Variants in ASIC2 observed in about 807,000 individuals in gnomAD.
The protein encoded by ASIC2 is acid sensing ion channel subunit 2, also known as acid-sensing ion channel 2.
Under a neutral mutation model 57.3 loss-of-function variants are expected in ASIC2, and 25 were observed. That is an observed-to-expected ratio of 0.44 (90% CI 0.32 to 0.61). ASIC2 has a LOEUF of 0.61. Among genes scored for constraint, ASIC2 ranks in the 20% least tolerant of loss-of-function variants. The pLI, the probability that ASIC2 is intolerant of heterozygous loss-of-function variation, is 0.06. For synonymous variants in ASIC2, 319 were observed against 307.5 expected (o/e 1.04, Z -0.39); for missense variants, 641 against 738.1 (o/e 0.87, Z 1.52).
Position 34,039,411 on chromosome 17 carries a change from T to C in ASIC2, c.555+116567A>G, listed in dbSNP as rs1264024328. 40 of 1,613,820 alleles carry C rather than the reference T, an allele frequency of 2.5e-5. 4 individuals are homozygous for C. In the Middle Eastern group the frequency reaches 4.5e-3, roughly 182 times the overall value. ...GCTCTGTGTCAAGCCGAGGTTTTGC[T>C]AGCATCACTGACATGAGGGTTGGCA... On this transcript the variant is annotated intron_variant, in intron 1 of 9. Transcript: ENST00000359872.
intron 1 of ASIC2, among the ~76,000 whole-genome samples, chr17:33,161,893 A>G (rs1383881177): frequency 7.3e-6 from 1 of 136,110 alleles, no homozygotes; most frequent in Non-Finnish European, 1.6e-5. Flanking sequence ...TTTTGCTTCA[A>G]AACTGTGCTT....
At chr17:33,528,042 TCAAA>T (rs1914937103) in intron 1 of ASIC2, among the ~76,000 whole-genome samples, 1 of 152,132 alleles carries the variant, frequency 6.6e-6, no homozygotes, top group Admixed American at 6.6e-5. Flanking sequence ...GAAGTCATGC[TCAAA>T]CAATTAAGCA....
intron 1 of ASIC2, among the ~76,000 whole-genome samples, chr17:33,653,755 A>C (rs1597822824): frequency 6.6e-6 from 1 of 152,234 alleles, no homozygotes; most frequent in South Asian, 2.1e-4. Context: ...ATAGAAGAAG[A>C]AACATGGAAT....
At chr17:33,025,063 T>C (rs1257952597) in intron 5 of ASIC2, among the ~76,000 whole-genome samples, 1 of 152,250 alleles carries the variant, frequency 6.6e-6, no homozygotes, top group South Asian at 2.1e-4. Context: ...ACATCAGAAG[T>C]CACTCCCTCT....
At chr17:33,279,877 G>A (rs115173009) in intron 1 of ASIC2, among the ~76,000 whole-genome samples, 1,616 of 152,278 alleles carry the variant, frequency 0.011, 37 homozygotes, top group African/African-American at 0.037. Context: ...TAGCCCCAGA[G>A]TGTTGTCCTG....
At chr17:33,778,954 C>T (rs891149854) in intron 1 of ASIC2, among the ~76,000 whole-genome samples, 36 of 152,164 alleles carry the variant, frequency 2.4e-4, no homozygotes, top group African/African-American at 8.2e-4. Flanking sequence ...TTTGCTCATC[C>T]CCCTCCTGGC....
intron 1 of ASIC2, among the ~76,000 whole-genome samples, chr17:33,899,613 C>G (rs1467367522): frequency 6.6e-6 from 1 of 152,144 alleles, no homozygotes; most frequent in Non-Finnish European, 1.5e-5. Context: ...TGTGGACTAC[C>G]TCTGATAAAG....
intron 1 of ASIC2, among the ~76,000 whole-genome samples, chr17:34,135,670 C>T (rs1323535557): frequency 6.6e-6 from 1 of 152,046 alleles, no homozygotes; most frequent in Non-Finnish European, 1.5e-5. Context: ...TTTCCCACCA[C>T]CTGAAATATT....
chr17:33,533,179 C>G (rs565780936), intron 1 of ASIC2, among the ~76,000 whole-genome samples: 1 of 152,146 alleles, frequency 6.6e-6, no homozygotes, highest in Non-Finnish European at 1.5e-5. Flanking sequence ...AACCCCATCT[C>G]TACTAAAAAT....
chr17:33,292,324 G>A lies in ASIC2; in HGVS notation c.-209C>T. On this transcript the variant is annotated 5_prime_UTR_variant, in exon 1 of 10. Transcript: ENST00000225823. ...CGCGGGCGCCCGCCCGGGGCTGAGC[G>A]CCGCCTCAGCCCGCAGCCCCTGGCA... The A allele has an allele frequency of 1.0e-6, 1 of 986,296 alleles. No homozygotes were observed. Among genetic ancestry groups the A allele is most frequent in the Middle Eastern group, 5.2e-4 (1 of 1,918 alleles). The allele number at this position is 986,296 out of a possible 1,614,324, so 61.1% of individuals were successfully genotyped here.
intron 1 of ASIC2, among the ~76,000 whole-genome samples, chr17:34,125,459 G>A (rs1263199211): frequency 6.6e-6 from 1 of 152,174 alleles, no homozygotes; most frequent in East Asian, 1.9e-4. Context: ...TCTAGCCAGT[G>A]TAATCAGAAA....
intron 1 of ASIC2, among the ~76,000 whole-genome samples, chr17:33,272,906 C>T (rs1316127277): frequency 6.6e-6 from 1 of 152,188 alleles, no homozygotes; most frequent in African/African-American, 2.4e-5. Context: ...GATCATTCAG[C>T]TCCACGATAC....
Position 33,291,513 on chromosome 17 carries a change from C to T in ASIC2, c.603G>A (p.Glu201=). 2 of 1,612,728 alleles carry T rather than the reference C, an allele frequency of 1.2e-6. No homozygotes were observed. The highest frequency in any genetic ancestry group is 1.1e-5 in the South Asian group (1 of 91,080). ...FRLFLPPRHF[E]GISAAFMDRL... ...GGTCCATGAAGGCGGCGCTGATTCC[C>T]TCGAAGTGGCGCGGAGGCAGGAAGA... Residue 201 remains glutamate (E), a synonymous_variant, in exon 1 of 10, where the codon GAG becomes GAA. Transcript: ENST00000225823.
chr17:33,583,185 G>A (rs1467808686), intron 1 of ASIC2, among the ~76,000 whole-genome samples: 1 of 152,174 alleles, frequency 6.6e-6, no homozygotes, highest in African/African-American at 2.4e-5. Flanking sequence ...TTCTTTATTG[G>A]ACTCACAAGG....
chr17:33,225,715 A>G (rs965093472), intron 1 of ASIC2, among the ~76,000 whole-genome samples: 1 of 152,298 alleles, frequency 6.6e-6, no homozygotes, highest in Middle Eastern at 3.4e-3. Context: ...GGTGGGAGCC[A>G]AACTATGCAG....
chr17:33,245,753 G>A (rs1444978651), intron 1 of ASIC2, among the ~76,000 whole-genome samples: 1 of 152,190 alleles, frequency 6.6e-6, no homozygotes, highest in African/African-American at 2.4e-5. Flanking sequence ...CAAGAAACTG[G>A]GAGGAGGTCA....
intron 1 of ASIC2, among the ~76,000 whole-genome samples, chr17:33,672,166 C>T (rs926653118): frequency 2.0e-5 from 3 of 152,166 alleles, no homozygotes; most frequent in East Asian, 1.9e-4. Context: ...CAGTTTCACA[C>T]ACTCCATTAA....
intron 1 of ASIC2, among the ~76,000 whole-genome samples, chr17:33,616,234 T>C (rs1015448624): frequency 1.7e-5 from 2 of 118,618 alleles, no homozygotes; most frequent in Non-Finnish European, 3.2e-5. Context: ...CTCCTTCTTC[T>C]TCCAAATGAG....
Position 34,070,810 on chromosome 17 carries a change from T to C in ASIC2, c.555+85168A>G, listed in dbSNP as rs139085292. The stretch of plus-strand genomic sequence containing the variant: ...TGCTAACTCCCTGCATACTCCATGA[T>C]ACCCACCTTGTTCCATAGGTGCTTT... On this transcript the variant is annotated intron_variant, in intron 1 of 9. Transcript: ENST00000359872. 1,017 of 152,458 alleles carry C rather than the reference T, an allele frequency of 6.7e-3. 8 individuals are homozygous for C. Among genetic ancestry groups the C allele is most frequent in the Middle Eastern group, 0.034 (10 of 294 alleles). The allele number at this position is 152,458 out of a possible 1,614,324, so 9.4% of individuals were successfully genotyped here.
Sources: allele counts gnomAD v4.1 joint callset (sites outside exome capture counted in the v4.1 genomes callset), GRCh38; gene constraint gnomAD v4.1.1; transcripts MANE v1.5; gene names NCBI Gene and HGNC (gene_info 2026-07-23, HGNC 2026-07-21).